The following ABCB5 variants were observed in gnomAD, a reference collection of about 807,000 sequenced individuals.
ABCB5 encodes ATP-binding cassette sub-family B member 5.
Under a neutral mutation model 144.2 loss-of-function variants are expected in ABCB5, and 155 were observed. That is an observed-to-expected ratio of 1.08 (90% CI 0.94 to 1.23). ABCB5 has a LOEUF of 1.23. ABCB5 is among the 50% of genes most tolerant of loss of function. ABCB5 has a pLI of 0.00. For synonymous variants in ABCB5, 610 were observed against 528.6 expected (o/e 1.15, Z -2.11); for missense variants, 1,830 against 1,520.8 (o/e 1.20, Z -3.38).
At position 20,755,464 on chromosome 7, in the gene ABCB5, G is replaced by A; in HGVS notation, c.3614G>A (p.Arg1205Lys). Residue 1205 changes from arginine (R) to lysine (K), a missense_variant, in exon 28 of 28, where the codon AGG becomes AAG. By Grantham distance (26) the Arg-to-Lys change is conservative. Coordinates refer to ENST00000404938, the MANE Select transcript of ABCB5 (RefSeq NM_001163941.2). ...QHALDKARTG[R>K]TCLVVTHRLS... ...GCCCTTGATAAAGCCAGGACGGGAA[G>A]GACATGCCTAGTGGTCACTCACAGG... The A allele has an allele frequency of 6.2e-7, 1 of 1,614,214 alleles. No homozygotes were observed. Among genetic ancestry groups the A allele is most frequent in the Non-Finnish European group, 8.5e-7 (1 of 1,180,034 alleles).
chr7:20,750,199 C>G (rs1354519543), intron 26 of ABCB5, among the ~76,000 whole-genome samples: 2 of 151,908 alleles, frequency 1.3e-5, no homozygotes, highest in African/African-American at 2.4e-5. Context: ...GTTTTGAAGG[C>G]CTACAATAAC....
At chr7:20,723,519 C>CT (rs1781940139) in intron 21 of ABCB5, among the ~76,000 whole-genome samples, 1 of 152,204 alleles carries the variant, frequency 6.6e-6, no homozygotes, top group Non-Finnish European at 1.5e-5. Flanking sequence ...TTATGTCAAC[C>CT]TTTGTAGACT....
At chr7:20,739,188 G>A (rs1782485218) in intron 24 of ABCB5, 49 bp downstream of exon 24, 1 of 1,483,170 alleles carries the variant, frequency 6.7e-7, no homozygotes, top group African/African-American at 1.4e-5. Flanking sequence ...GGCAACAGTA[G>A]GAACTGGGGG....
intron 16 of ABCB5, among the ~76,000 whole-genome samples, chr7:20,695,206 T>A (rs1786367452): frequency 6.6e-6 from 1 of 151,980 alleles, no homozygotes; most frequent in Non-Finnish European, 1.5e-5. Context: ...AACATTTCAA[T>A]GGCATACAAA....
In ABCB5 at chr7:20,645,985, A is replaced by G; in HGVS notation, c.828A>G (p.Ala276=). The change falls in exon 9 of 28, where the codon GCA becomes GCG. Residue 276 remains alanine (A), a synonymous_variant. Coordinates refer to ENST00000404938, the MANE Select transcript of ABCB5 (RefSeq NM_001163941.2). ...LQRYTQNLKD[A]KDFGIKRTIA... ...GGTATACACAGAATCTCAAAGATGC[A>G]AAGGATTTTGGCATAAAAAGGACTA... 6.2e-7 allele frequency: 1 copy of G among 1,613,670 alleles called. No homozygotes were observed. Among genetic ancestry groups the G allele is most frequent in the South Asian group, 1.1e-5 (1 of 91,040 alleles).
intron 5 of ABCB5, among the ~76,000 whole-genome samples, chr7:20,632,833 G>A (rs930053684): frequency 3.3e-5 from 5 of 149,558 alleles, no homozygotes; most frequent in Admixed American, 6.7e-5. Flanking sequence ...GACACAGGAA[G>A]GGGAACATCA....
chr7:20,750,419 C>CAT (rs1491153746), intron 26 of ABCB5, among the ~76,000 whole-genome samples: 2 of 144,970 alleles, frequency 1.4e-5, no homozygotes, highest in Non-Finnish European at 3.1e-5. Flanking sequence ...CACACACACA[C>CAT]ATATACACAC....
At chr7:20,702,961 T>C (rs1191135922) in intron 19 of ABCB5, among the ~76,000 whole-genome samples, 2 of 151,936 alleles carry the variant, frequency 1.3e-5, no homozygotes, top group Non-Finnish European at 2.9e-5. Context: ...ATATTGCCTA[T>C]GCTGGAAAAC....
rs375764523 is a variant in ABCB5 at position 20,643,250 on chromosome 7, G to A, written c.381G>A (p.Leu127=). 52 of 1,613,716 alleles carry A rather than the reference G, an allele frequency of 3.2e-5. No individual in the cohort carries two copies. Among genetic ancestry groups the A allele is most frequent in the Non-Finnish European group, 4.1e-5 (48 of 1,179,764 alleles). ...TTTTTGGTTACATACAGATTTCCTT[G>A]TGGATTATAACTGCAGCACGACAGA... ...ALIFGYIQIS[L]WIITAARQTK... Residue 127 remains leucine, a synonymous_variant, in exon 6 of 28, where the codon TTG becomes TTA. Coordinates refer to ENST00000404938, the MANE Select transcript of ABCB5 (RefSeq NM_001163941.2).
At chr7:20,745,526 C>A in intron 26 of ABCB5, 88 bp downstream of exon 26, 1 of 1,158,128 alleles carries the variant, frequency 8.6e-7, no homozygotes. Flanking sequence ...TTATGTATTC[C>A]TTGGATTATA....
In ABCB5 at chr7:20,640,608, G is replaced by A. The variant is rs185987238; in HGVS notation, c.315-2576G>A. Among the ~76,000 whole-genome samples the A allele has an allele frequency of 1.6e-4, 24 of 152,174 alleles. No homozygotes were observed. The East Asian group carries it at 4.2e-3, about 27-fold the overall frequency. ...AAAAACTTGGCACTAAATAAACCAC[G>A]AAAATAACACTTGCTTACAGTACAA... On this transcript the variant is annotated intron_variant, in intron 5 of 27. Coordinates refer to ENST00000404938, the MANE Select transcript of ABCB5 (RefSeq NM_001163941.2).
chr7:20,700,225 A>G, intron 19 of ABCB5, 90 bp downstream of exon 19: 1 of 1,140,030 alleles, frequency 8.8e-7, no homozygotes, highest in Non-Finnish European at 1.2e-6. Flanking sequence ...AATTTTTGAC[A>G]TAATCTTTCT....
intron 24 of ABCB5, among the ~76,000 whole-genome samples, chr7:20,741,567 AG>A (rs1205671859): frequency 9.3e-6 from 1 of 108,012 alleles, no homozygotes. Context: ...ATATCCTTCC[AG>A]ATTTTTTTTT....
At chr7:20,658,815 G>T in intron 14 of ABCB5, 139 bp downstream of exon 14, 1 of 1,101,300 alleles carries the variant, frequency 9.1e-7, no homozygotes, top group African/African-American at 1.6e-5. Flanking sequence ...AATCCACTGA[G>T]AACTTACGTG....
At chr7:20,629,854 G>A (rs1428196957) in intron 4 of ABCB5, among the ~76,000 whole-genome samples, 1 of 152,104 alleles carries the variant, frequency 6.6e-6, no homozygotes, top group African/African-American at 2.4e-5. Context: ...TTAGGTTTTT[G>A]GGGGTTTTTT....
chr7:20,647,715 C>T, intron 10 of ABCB5, 67 bp downstream of exon 10: 1 of 1,524,342 alleles, frequency 6.6e-7, no homozygotes, highest in Non-Finnish European at 8.8e-7. Flanking sequence ...AAAACATACA[C>T]CCTCATTTTC....
At chr7:20,670,387 G>GA (rs373015003) in intron 14 of ABCB5, among the ~76,000 whole-genome samples, 36 of 142,200 alleles carry the variant, frequency 2.5e-4, no homozygotes, top group Middle Eastern at 3.5e-3. Context: ...AAAAGAAAAA[G>GA]AAAAAAAAAA....
chr7:20,751,781 T>C (rs1220154954), intron 26 of ABCB5, among the ~76,000 whole-genome samples: 3 of 152,186 alleles, frequency 2.0e-5, no homozygotes, highest in Admixed American at 6.5e-5. Flanking sequence ...TGGTTCCAAA[T>C]TTAACAAAAT....
chr7:20,654,130 C>A (rs1269968394), intron 13 of ABCB5, among the ~76,000 whole-genome samples: 1 of 151,900 alleles, frequency 6.6e-6, no homozygotes. Flanking sequence ...TGCACAAGTT[C>A]AAGATCAGTC....
Sources: allele counts gnomAD v4.1 joint callset (sites outside exome capture counted in the v4.1 genomes callset), GRCh38; gene constraint gnomAD v4.1.1; transcripts MANE v1.5; gene names NCBI Gene and HGNC (gene_info 2026-07-23, HGNC 2026-07-21).